The following DNMBP variants were observed in gnomAD, a reference collection of about 807,000 sequenced individuals.
DNMBP encodes dynamin-binding protein.
DNMBP carries 87 observed loss-of-function variants against 150.0 expected under a neutral mutation model. The ratio of observed to expected loss-of-function variants is 0.58; its 90% CI spans 0.49 to 0.69. DNMBP has a LOEUF of 0.69. Among genes scored for constraint, DNMBP ranks in the 30% least tolerant of loss-of-function variants. The probability of loss-of-function intolerance (pLI) is 0.00; values close to 1 mark genes in which losing one functional copy is unlikely to be tolerated. For synonymous variants in DNMBP, 711 were observed against 750.4 expected, an observed-to-expected ratio of 0.95 and a Z score of 0.86; for missense variants, 1,774 against 1,949.0, an observed-to-expected ratio of 0.91 and a Z score of 1.69.
intron 4 of DNMBP, 143 bp from the exon 5 acceptor site, chr10:99,909,289 T>C (rs2039871874): frequency 3.0e-6 from 2 of 658,902 alleles, no homozygotes; most frequent in East Asian, 2.7e-5. Flanking sequence ...CACATGTCAG[T>C]TGTAAACAGG....
intron 11 of DNMBP, among the ~76,000 whole-genome samples, chr10:99,893,428 C>T (rs2251478): frequency 0.52 from 78,341 of 152,118 alleles, 20,629 homozygotes; most frequent in Middle Eastern, 0.6. Context: ...TGATATACTA[C>T]GCAATTGTAA....
intron 15 of DNMBP, 97 bp downstream of exon 15, chr10:99,883,914 T>G: frequency 1.9e-6 from 2 of 1,077,814 alleles, no homozygotes; most frequent in South Asian, 1.4e-5. Context: ...CAAAGATACT[T>G]TTTGCTTTTT....
At chr10:99,886,763 C>CAT (rs1431905179) in intron 12 of DNMBP, 131 bp from the exon 13 acceptor site, 7 of 742,844 alleles carry the variant, frequency 9.4e-6, no homozygotes, top group African/African-American at 1.8e-5. Context: ...AAGCTAAACC[C>CAT]ATACAGATCT....
intron 11 of DNMBP, among the ~76,000 whole-genome samples, chr10:99,891,370 T>TC (rs1409601858): frequency 1.3e-5 from 2 of 151,528 alleles, no homozygotes; most frequent in East Asian, 3.9e-4. Flanking sequence ...AGACGGGGTT[T>TC]CGCTGTGTTG....
At chr10:99,967,716 A>T (rs1284482866) in intron 3 of DNMBP, among the ~76,000 whole-genome samples, 1 of 149,650 alleles carries the variant, frequency 6.7e-6, no homozygotes, top group South Asian at 2.1e-4. Flanking sequence ...TGTGTACATG[A>T]TTTAAGAAAT....
At chr10:99,890,595 G>A (rs2039540938) in intron 11 of DNMBP, among the ~76,000 whole-genome samples, 1 of 152,180 alleles carries the variant, frequency 6.6e-6, no homozygotes, top group African/African-American at 2.4e-5. Context: ...GATATTAGGG[G>A]AAAGTCCTAT....
At position 99,918,100 on chromosome 10, in the gene DNMBP, G is replaced by A. The variant is rs181478533; in HGVS notation, c.2261-8954C>T. On this transcript the variant is annotated intron_variant, in intron 4 of 16. Coordinates refer to ENST00000324109, the MANE Select transcript of DNMBP (RefSeq NM_015221.4). ...AGTCTTTCTGCAGCAAACCCTGAGA[G>A]GAGGCGATTTGTCTGTACACGTGCT... Among the ~76,000 whole-genome samples, 54 of 152,142 alleles carry A rather than the reference G, an allele frequency of 3.5e-4. 1 individual carries two copies. The highest frequency in any genetic ancestry group is 1.2e-3 in the African/African-American group (48 of 41,504).
intron 4 of DNMBP, among the ~76,000 whole-genome samples, chr10:99,918,612 G>A (rs181260903): frequency 1.1e-3 from 162 of 141,048 alleles, no homozygotes; most frequent in South Asian, 5.3e-3. Context: ...TGTCGCCCAG[G>A]CTAGAGTGCA....
chr10:99,885,798 C>T lies in DNMBP; in HGVS notation c.3687G>A (p.Leu1229=), dbSNP rs1360410501. The stretch of plus-strand genomic sequence containing the variant: ...AGAAGGTAAAAACCTGGAGTTGCTG[C>T]AGAACTCTGCTGTGCTCTTCGTGGA... ...AIFHEEHSRV[L]QQLQVFTFFP... The change falls in exon 14 of 17, where the codon CTG becomes CTA. Residue 1229 remains leucine (L), a synonymous_variant. Coordinates refer to ENST00000324109, the MANE Select transcript of DNMBP (RefSeq NM_015221.4). 1 of 1,612,532 alleles carries T rather than the reference C, an allele frequency of 6.2e-7. No individual in the cohort carries two copies. Among genetic ancestry groups the T allele is most frequent in the East Asian group, 2.2e-5 (1 of 44,884 alleles).
intron 1 of DNMBP, among the ~76,000 whole-genome samples, chr10:99,992,335 AT>A (rs1238780655): frequency 6.6e-6 from 1 of 152,082 alleles, no homozygotes; most frequent in Non-Finnish European, 1.5e-5. Flanking sequence ...TATTACAGCA[AT>A]TACTTAACTT....
At chr10:99,993,755 A>T (rs2040922474) in intron 1 of DNMBP, among the ~76,000 whole-genome samples, 1 of 152,168 alleles carries the variant, frequency 6.6e-6, no homozygotes, top group South Asian at 2.1e-4. Context: ...GTGAGCTGTG[A>T]TCATGCCACT....
chr10:99,908,122 T>C (rs1475649672), intron 5 of DNMBP, 28 bp from the exon 6 acceptor site: 7 of 1,489,182 alleles, frequency 4.7e-6, no homozygotes, highest in Non-Finnish European at 6.6e-6. Flanking sequence ...AACATAAAAA[T>C]GCACGGAAAT....
At chr10:99,963,855 G>A (rs7899966) in intron 3 of DNMBP, among the ~76,000 whole-genome samples, 47,515 of 150,964 alleles carry the variant, frequency 0.31, 7,522 homozygotes, top group Non-Finnish European at 0.33. Flanking sequence ...GCCTGACCAC[G>A]TAGAGTATTT....
chr10:100,003,162 T>A (rs982185382), intron 1 of DNMBP, among the ~76,000 whole-genome samples: 12 of 152,236 alleles, frequency 7.9e-5, no homozygotes, highest in Middle Eastern at 3.4e-3. Context: ...CTGGCTATCA[T>A]GGTAAAACCC....
chr10:99,936,141 AAG>A (rs1272016856), intron 4 of DNMBP, among the ~76,000 whole-genome samples: 14 of 152,234 alleles, frequency 9.2e-5, no homozygotes, highest in Non-Finnish European at 1.3e-4. Flanking sequence ...TCAGATAATC[AAG>A]AGTTTGTTAT....
At chr10:99,877,481 T>A in intron 16 of DNMBP, 145 bp from the exon 17 acceptor site, 1 of 554,952 alleles carries the variant, frequency 1.8e-6, no homozygotes. Flanking sequence ...ACAGAGGAAC[T>A]GAATTTTTAA....
chr10:99,959,656 C>A (rs1206716205), intron 3 of DNMBP, among the ~76,000 whole-genome samples: 1 of 151,804 alleles, frequency 6.6e-6, no homozygotes, highest in Non-Finnish European at 1.5e-5. Flanking sequence ...AGTTCAAGAT[C>A]AGCCTGGGCA....
chr10:99,948,027 T>C (rs1285096751), intron 4 of DNMBP, among the ~76,000 whole-genome samples: 2 of 152,202 alleles, frequency 1.3e-5, no homozygotes, highest in African/African-American at 2.4e-5. Context: ...GGAAGCTATG[T>C]ATGTGTGGGG....
At chr10:99,933,745 GT>G (rs1382066780) in intron 4 of DNMBP, among the ~76,000 whole-genome samples, 4 of 150,912 alleles carry the variant, frequency 2.7e-5, no homozygotes, top group Non-Finnish European at 4.4e-5. Context: ...TTGTTTTTTT[GT>G]TTTTTTTTGA....
Sources: gnomAD v4.1 joint callset for allele counts (sites outside exome capture counted in the v4.1 genomes callset) on GRCh38, gnomAD v4.1.1 for gene constraint, MANE v1.5 for transcripts, NCBI Gene and HGNC (gene_info 2026-07-23, HGNC 2026-07-21) for gene names.